Variants in DNAAF1 observed in about 807,000 individuals in gnomAD.
The protein encoded by DNAAF1 is dynein assembly factor 1, axonemal.
Under a neutral mutation model 71.1 loss-of-function variants are expected in DNAAF1, and 65 were observed. The observed-to-expected ratio is 0.91, with a 90% confidence interval of 0.75 to 1.12. DNAAF1 has a LOEUF of 1.12. DNAAF1 is among the 50% of genes most tolerant of loss of function. DNAAF1 has a pLI of 0.00. For missense variants in DNAAF1, 1,178 were observed against 899.8 expected (o/e 1.31, Z -3.96); for synonymous variants, 414 against 354.6 (o/e 1.17, Z -1.88).
Position 84,174,709 on chromosome 16 carries a change from C to T in DNAAF1, c.1685C>T (p.Ser562Phe), listed in dbSNP as rs779727587. Residue 562 changes from serine (S) to phenylalanine (F), a missense_variant, in exon 10 of 12, where the codon TCT (serine) becomes TTT (phenylalanine). Ser to Phe is a radical substitution (Grantham distance 155, BLOSUM62 -2). Transcript: ENST00000378553. ...GAAGATGATGATGAAACAGGCAAAT[C>T]TCTGGAAGACCAGGTTAAGGTCATT... is the stretch of plus-strand genomic sequence containing the variant. ...DLEDDDETGK[S>F]LEDQNMCFPK... is the part of the protein sequence containing the mutation. The T allele has an allele frequency of 6.2e-7, 1 of 1,614,226 alleles. No individual in the cohort carries two copies. Among genetic ancestry groups the T allele is most frequent in the Non-Finnish European group, 8.5e-7 (1 of 1,180,040 alleles).
At chr16:84,152,914 G>A (rs1443169117) in intron 3 of DNAAF1, among the ~76,000 whole-genome samples, 1 of 151,116 alleles carries the variant, frequency 6.6e-6, no homozygotes, top group African/African-American at 2.4e-5. Flanking sequence ...CCGAGATTGT[G>A]CAATTGCACT....
intron 6 of DNAAF1, 125 bp downstream of exon 6, chr16:84,159,921 G>C: frequency 1.8e-6 from 2 of 1,093,862 alleles, no homozygotes; most frequent in Admixed American, 2.1e-5. Flanking sequence ...TTGGAAATAG[G>C]CTTGATGGCT....
chr16:84,176,164 A>C lies in DNAAF1; in HGVS notation c.1930A>C (p.Arg644=). Reference sequence around the variant, plus strand: ...CCGAAAACAAGACACCAAGTCCCCAAGACCCCTGATCCAGGAGCTCAGCGA... The same window carrying C: ...CCGAAAACAAGACACCAAGTCCCCACGACCCCTGATCCAGGAGCTCAGCGA... ...EIRKQDTKSP[R]PLIQELSDED... Residue 644 remains arginine (R), a synonymous_variant, in exon 11 of 12, where the codon AGA becomes CGA. Coordinates refer to ENST00000378553, the MANE Select transcript of DNAAF1 (RefSeq NM_178452.6). 6.2e-7 allele frequency: 1 copy of C among 1,614,106 alleles called. No individual in the cohort carries two copies. Among genetic ancestry groups the C allele is most frequent in the East Asian group, 2.2e-5 (1 of 44,878 alleles).
Position 84,174,312 on chromosome 16 carries a change from G to C in DNAAF1, c.1645-357G>C, listed in dbSNP as rs924614503. ...AAATATATTACTTTTATACCACATA[G>C]AGTTTTCGGACTAGTTTGTACAGAG... On this transcript the variant is annotated intron_variant, in intron 9 of 11. Coordinates refer to ENST00000378553, the MANE Select transcript of DNAAF1 (RefSeq NM_178452.6). The C allele has an allele frequency of 6.8e-6, 8 of 1,173,336 alleles. No homozygotes were observed. The East Asian group carries it at 3.2e-4, about 47-fold the overall frequency. The allele number at this position is 1,173,336 out of a possible 1,614,324, so 72.7% of individuals were successfully genotyped here.
chr16:84,158,493 A>C (rs1230397822), intron 5 of DNAAF1, among the ~76,000 whole-genome samples: 14 of 152,170 alleles, frequency 9.2e-5, no homozygotes, highest in Admixed American at 9.2e-4. Flanking sequence ...AAATACAGTC[A>C]CATTCTGAGG....
chr16:84,164,471 C>G (rs1324758599), intron 6 of DNAAF1, among the ~76,000 whole-genome samples: 1 of 152,200 alleles, frequency 6.6e-6, no homozygotes, highest in African/African-American at 2.4e-5. Context: ...TTTGCTGTCT[C>G]CATGGTTTTG....
Position 84,160,013 on chromosome 16 carries a change from G to A in DNAAF1, c.863+217G>A, listed in dbSNP as rs116470255. ...TTTGATAAATATCTTTGTATCAGTC[G>A]TTTACCTCTTTGCTGATGAGTTCCT... On this transcript the variant is annotated intron_variant, in intron 6 of 11. Coordinates refer to ENST00000378553, the MANE Select transcript of DNAAF1 (RefSeq NM_178452.6). 3.2e-3 allele frequency among the ~76,000 whole-genome samples: 492 copies of A among 152,140 alleles called. 2 individuals are homozygous for A. Among genetic ancestry groups the A allele is most frequent in the African/African-American group, 0.011 (449 of 41,508 alleles).
chr16:84,171,319 G>C (rs2088330883), intron 8 of DNAAF1, among the ~76,000 whole-genome samples: 1 of 152,166 alleles, frequency 6.6e-6, no homozygotes, highest in African/African-American at 2.4e-5. Context: ...GCTGGGCATA[G>C]TGGTGACCAC....
At chr16:84,166,035 G>A (rs866878661) in intron 7 of DNAAF1, 86 bp downstream of exon 7, 2 of 1,234,932 alleles carry the variant, frequency 1.6e-6, no homozygotes, top group Admixed American at 2.1e-5. Context: ...TTAATCTTGG[G>A]AATTTTTTTT....
intron 7 of DNAAF1, among the ~76,000 whole-genome samples, chr16:84,168,189 C>T (rs557928470): frequency 5.3e-5 from 8 of 152,312 alleles, no homozygotes; most frequent in African/African-American, 1.2e-4. Flanking sequence ...AGGCCGCCTG[C>T]GTTCCCTGGC....
chr16:84,163,218 A>G (rs1283826761), intron 6 of DNAAF1, among the ~76,000 whole-genome samples: 1 of 152,122 alleles, frequency 6.6e-6, no homozygotes, highest in African/African-American at 2.4e-5. Context: ...TTTCTGGGTC[A>G]TACAGGGACT....
intron 6 of DNAAF1, among the ~76,000 whole-genome samples, chr16:84,162,824 C>CA (rs201364279): frequency 4.7e-4 from 69 of 146,768 alleles, no homozygotes; most frequent in Admixed American, 1.9e-3. Context: ...CTCAAAAAAA[C>CA]AAAAAAAAAA....
rs1023143448 is a variant in DNAAF1 at position 84,174,584 on chromosome 16, C to T, written c.1645-85C>T. 7 of 1,612,304 alleles carry T rather than the reference C, an allele frequency of 4.3e-6. No individual in the cohort carries two copies. The Admixed American group carries it at 1.2e-4, about 27-fold the overall frequency. ...GTAACTGTAACTAAGGCTGGGTTGA[C>T]TGCGTGTTTGCCTTTATCGTGCCTA... On this transcript the variant is annotated intron_variant, in intron 9 of 11. Coordinates refer to ENST00000378553, the MANE Select transcript of DNAAF1 (RefSeq NM_178452.6).
intron 5 of DNAAF1, chr16:84,159,031 C>G (rs1011139867): frequency 1.0e-6 from 1 of 987,306 alleles, no homozygotes; most frequent in East Asian, 1.1e-4. Flanking sequence ...ATGCCCAGCC[C>G]CACTAAGCAT....
chr16:84,159,839 A>G lies in DNAAF1; in HGVS notation c.863+43A>G, dbSNP rs763715702. On this transcript the variant is annotated intron_variant, in intron 6 of 11. Coordinates refer to ENST00000378553, the MANE Select transcript of DNAAF1 (RefSeq NM_178452.6). Reference sequence around the variant, plus strand: ...TTCTGATCACATTTTAATATTTAGTAGTTGACCATGCTTAATATTAAACTT... The same window carrying G: ...TTCTGATCACATTTTAATATTTAGTGGTTGACCATGCTTAATATTAAACTT... The G allele has an allele frequency of 1.2e-5, 20 of 1,608,606 alleles. No individual in the cohort carries two copies. In the South Asian group the frequency reaches 2.1e-4, roughly 17 times the overall value.
Position 84,170,178 on chromosome 16 carries a change from G to A in DNAAF1, c.1350G>A (p.Pro450=), listed in dbSNP as rs148990251. ...GTLPAEAPPP[P]PPVEVKGEDG... is the part of the protein sequence containing the mutation. ...TCCCAGCTGAGGCCCCACCACCCCCGCCACCTGTGGAGGTTAAAGGAGAGG... is the reference window on the plus strand; with the variant it reads ...TCCCAGCTGAGGCCCCACCACCCCCACCACCTGTGGAGGTTAAAGGAGAGG... Residue 450 remains proline, a synonymous_variant, in exon 8 of 12, where the codon CCG becomes CCA. Transcript: ENST00000378553. 1.7e-4 allele frequency: 278 copies of A among 1,611,788 alleles called. No individual in the cohort carries two copies. Among genetic ancestry groups the A allele is most frequent in the Middle Eastern group, 6.6e-4 (4 of 6,026 alleles).
At chr16:84,152,423 C>A (rs2087228512) in intron 3 of DNAAF1, among the ~76,000 whole-genome samples, 1 of 152,112 alleles carries the variant, frequency 6.6e-6, no homozygotes, top group South Asian at 2.1e-4. Flanking sequence ...GAGGCCAAGG[C>A]AGGCAGATCA....
intron 6 of DNAAF1, among the ~76,000 whole-genome samples, chr16:84,164,262 T>C (rs2087858237): frequency 6.6e-6 from 1 of 152,246 alleles, no homozygotes; most frequent in South Asian, 2.1e-4. Flanking sequence ...TGCTGGTACC[T>C]TATTATTGAC....
intron 5 of DNAAF1, among the ~76,000 whole-genome samples, chr16:84,158,330 G>A (rs1464843227): frequency 2.0e-5 from 3 of 152,180 alleles, no homozygotes; most frequent in Non-Finnish European, 2.9e-5. Flanking sequence ...GTAGATGGCC[G>A]TCTTCTCCCT....
Sources: gnomAD v4.1 joint callset for allele counts (sites outside exome capture counted in the v4.1 genomes callset) on GRCh38, gnomAD v4.1.1 for gene constraint, MANE v1.5 for transcripts, NCBI Gene and HGNC (gene_info 2026-07-23, HGNC 2026-07-21) for gene names.